Variants in CSMD1 observed in about 807,000 individuals in gnomAD.
CSMD1 encodes the protein CUB and Sushi multiple domains 1, also known as CUB and sushi domain-containing protein 1.
Under a neutral mutation model 417.5 loss-of-function variants are expected in CSMD1, and 213 were observed. The ratio of observed to expected loss-of-function variants is 0.51; its 90% CI spans 0.46 to 0.57. The LOEUF is 0.57. CSMD1 is among the 20% of genes least tolerant of loss of function. CSMD1 has a pLI of 0.00. For missense variants in CSMD1, 6,923 were observed against 4,529.7 expected (o/e 1.53, Z -15.17); for synonymous variants, 2,862 against 1,736.8 (o/e 1.65, Z -16.11).
At chr8:3,562,375 C>CAT (rs1491445024) in intron 10 of CSMD1, among the ~76,000 whole-genome samples, 1 of 151,558 alleles carries the variant, frequency 6.6e-6, no homozygotes, top group Non-Finnish European at 1.5e-5. Flanking sequence ...CACACACATG[C>CAT]ACACACACAC....
intron 3 of CSMD1, among the ~76,000 whole-genome samples, chr8:4,230,982 G>T (rs1357866870): frequency 6.6e-6 from 1 of 151,978 alleles, no homozygotes; most frequent in Admixed American, 6.6e-5. Context: ...TGCAACATCA[G>T]TACTAGTATT....
At chr8:4,583,021 C>T (rs536322370) in intron 2 of CSMD1, among the ~76,000 whole-genome samples, 20 of 152,316 alleles carry the variant, frequency 1.3e-4, no homozygotes, top group Non-Finnish European at 2.1e-4. Context: ...GCCAGCCCAC[C>T]GGCGCTGTGC....
chr8:3,155,427 G>A (rs868788448), intron 39 of CSMD1, among the ~76,000 whole-genome samples: 1 of 117,324 alleles, frequency 8.5e-6, no homozygotes, highest in African/African-American at 3.2e-5. Flanking sequence ...GAGTGCAGTG[G>A]CGCGATCTTG....
chr8:4,954,586 C>G (rs2117300221), intron 1 of CSMD1, among the ~76,000 whole-genome samples: 2 of 152,124 alleles, frequency 1.3e-5, no homozygotes, highest in South Asian at 4.1e-4. Flanking sequence ...CTACTTAGAA[C>G]TTTTATACTT....
At chr8:3,434,077 T>C (rs186666668) in intron 12 of CSMD1, among the ~76,000 whole-genome samples, 1 of 152,190 alleles carries the variant, frequency 6.6e-6, no homozygotes, top group Admixed American at 6.5e-5. Context: ...AGACCTGAGG[T>C]CTTAGTAGCA....
intron 1 of CSMD1, among the ~76,000 whole-genome samples, chr8:4,969,245 G>C (rs1419195906): frequency 1.3e-5 from 2 of 152,038 alleles, no homozygotes; most frequent in South Asian, 2.1e-4. Context: ...TGCTTAGTAA[G>C]TTAATGTTCT....
rs1415832495 is a variant in CSMD1 at position 3,479,750 on chromosome 8, A to C, written c.1449-10926T>G. 2.6e-5 allele frequency among the ~76,000 whole-genome samples: 4 copies of C among 152,308 alleles called. No homozygotes were observed. The East Asian group carries it at 7.7e-4, about 29-fold the overall frequency. The stretch of plus-strand genomic sequence containing the variant: ...CAAGAGCCAAGGAAATCACGGCTTG[A>C]ATGATGAAAGACAATCAACCAACCC... On this transcript the variant is annotated intron_variant, in intron 11 of 69. Coordinates refer to ENST00000635120, the MANE Select transcript of CSMD1 (RefSeq NM_033225.6).
chr8:3,341,296 G>A (rs1178744141), intron 23 of CSMD1, among the ~76,000 whole-genome samples: 2 of 152,168 alleles, frequency 1.3e-5, no homozygotes, highest in Non-Finnish European at 2.9e-5. Context: ...CTGGACAACA[G>A]AAGAGGCTTC....
chr8:4,565,796 A>G (rs1244936902), intron 2 of CSMD1, among the ~76,000 whole-genome samples: 3 of 67,130 alleles, frequency 4.5e-5, no homozygotes, highest in Non-Finnish European at 9.3e-5. Flanking sequence ...ATATATATAT[A>G]TGTATACATA....
intron 1 of CSMD1, among the ~76,000 whole-genome samples, chr8:4,773,243 T>C (rs1489881388): frequency 6.6e-6 from 1 of 152,190 alleles, no homozygotes; most frequent in Non-Finnish European, 1.5e-5. Context: ...CTTTGGGGTA[T>C]TTCAGATTTT....
At chr8:4,243,199 A>T (rs1436996760) in intron 3 of CSMD1, among the ~76,000 whole-genome samples, 1 of 152,126 alleles carries the variant, frequency 6.6e-6, no homozygotes, top group Non-Finnish European at 1.5e-5. Context: ...TGAGGAGGAC[A>T]TGGCAGAGCG....
intron 3 of CSMD1, among the ~76,000 whole-genome samples, chr8:4,195,435 A>C (rs889995): frequency 3.3e-5 from 5 of 152,148 alleles, no homozygotes; most frequent in African/African-American, 1.2e-4. Flanking sequence ...GTCATGATTT[A>C]AAAAAGACGA....
chr8:4,828,665 A>G (rs1467940983), intron 1 of CSMD1, among the ~76,000 whole-genome samples: 1 of 152,144 alleles, frequency 6.6e-6, no homozygotes, highest in African/African-American at 2.4e-5. Context: ...TTGGCAATAT[A>G]CATTGACCAG....
intron 2 of CSMD1, among the ~76,000 whole-genome samples, chr8:4,486,260 T>C (rs1269658245): frequency 7.6e-6 from 1 of 131,646 alleles, no homozygotes; most frequent in South Asian, 2.3e-4. Context: ...CATATATATA[T>C]ATATATATAT....
chr8:3,734,498 G>C (rs773416614), intron 6 of CSMD1, among the ~76,000 whole-genome samples: 17 of 152,264 alleles, frequency 1.1e-4, no homozygotes, highest in Non-Finnish European at 2.5e-4. Flanking sequence ...ATCCCTTGAC[G>C]TCAGGAGTTC....
intron 3 of CSMD1, among the ~76,000 whole-genome samples, chr8:4,213,808 T>A (rs1458731724): frequency 6.6e-6 from 1 of 152,058 alleles, no homozygotes; most frequent in African/African-American, 2.4e-5. Flanking sequence ...TAACTTGCAT[T>A]GAGAAAGATA....
intron 5 of CSMD1, among the ~76,000 whole-genome samples, chr8:3,994,213 T>C (rs1456347808): frequency 6.6e-6 from 1 of 151,926 alleles, no homozygotes; most frequent in African/African-American, 2.4e-5. Flanking sequence ...CCTCTACACA[T>C]TCCCTGTCAC....
At chr8:4,421,080 C>G (rs1401762988) in intron 2 of CSMD1, among the ~76,000 whole-genome samples, 3 of 152,110 alleles carry the variant, frequency 2.0e-5, no homozygotes, top group African/African-American at 4.8e-5. Flanking sequence ...CATTGGATGC[C>G]AATCCAAACA....
intron 17 of CSMD1, among the ~76,000 whole-genome samples, chr8:3,388,577 G>C (rs1811151786): frequency 6.6e-6 from 1 of 152,146 alleles, no homozygotes; most frequent in Non-Finnish European, 1.5e-5. Context: ...CTCTAAAGGT[G>C]ATCTTCGGGA....
Sources: gnomAD v4.1 joint callset for allele counts (sites outside exome capture counted in the v4.1 genomes callset) on GRCh38, gnomAD v4.1.1 for gene constraint, MANE v1.5 for transcripts, NCBI Gene and HGNC (gene_info 2026-07-23, HGNC 2026-07-21) for gene names.